The following GALNT17 variants were observed in gnomAD, a reference collection of about 807,000 sequenced individuals.
The protein encoded by GALNT17 is polypeptide N-acetylgalactosaminyltransferase 17, also known as UDP-GalNAc:polypeptide N-acetylgalactosaminyltransferase-like 3.
In GALNT17, 29 loss-of-function variants were observed where a neutral mutation model predicts 63.7. The observed-to-expected ratio is 0.46, with a 90% CI of 0.34 to 0.62. GALNT17 has a LOEUF of 0.62. Among genes scored for constraint, GALNT17 ranks in the 20% least tolerant of loss-of-function variants. GALNT17 has a pLI of 0.01. For missense variants in GALNT17, 603 were observed against 799.6 expected (o/e 0.75, Z 2.97); for synonymous variants, 305 against 318.3 (o/e 0.96, Z 0.45).
At chr7:71,307,377 G>A (rs569637723) in intron 1 of GALNT17, among the ~76,000 whole-genome samples, 2 of 151,902 alleles carry the variant, frequency 1.3e-5, no homozygotes, top group Non-Finnish European at 2.9e-5. Context: ...ACATTTTTGA[G>A]TATACGTTTT....
chr7:71,679,045 C>T (rs1791196101), intron 9 of GALNT17, among the ~76,000 whole-genome samples: 1 of 151,838 alleles, frequency 6.6e-6, no homozygotes, highest in South Asian at 2.1e-4. Context: ...GTGAAAAGTG[C>T]CTGTGGGGAG....
chr7:71,612,051 C>T (rs776821005), intron 6 of GALNT17, among the ~76,000 whole-genome samples: 9 of 152,266 alleles, frequency 5.9e-5, no homozygotes, highest in Middle Eastern at 3.4e-3. Context: ...AAATAGATGT[C>T]TTTGTTCTTT....
intron 5 of GALNT17, among the ~76,000 whole-genome samples, chr7:71,430,576 A>C (rs112475096): frequency 2.6e-5 from 4 of 152,318 alleles, no homozygotes; most frequent in African/African-American, 9.6e-5. Context: ...TCCTATAATT[A>C]GTGACATTGC....
chr7:71,684,398 G>T (rs185586603), intron 9 of GALNT17, among the ~76,000 whole-genome samples: 1 of 152,168 alleles, frequency 6.6e-6, no homozygotes, highest in Non-Finnish European at 1.5e-5. Flanking sequence ...AGCCCTGAAC[G>T]CCCCCGATGG....
intron 1 of GALNT17, among the ~76,000 whole-genome samples, chr7:71,302,851 G>C (rs1043167919): frequency 6.6e-6 from 1 of 152,080 alleles, no homozygotes; most frequent in African/African-American, 2.4e-5. Flanking sequence ...TGGATTAGGC[G>C]AGTCATATAT....
At chr7:71,552,282 C>T (rs780641069) in intron 5 of GALNT17, among the ~76,000 whole-genome samples, 12 of 151,692 alleles carry the variant, frequency 7.9e-5, no homozygotes, top group Non-Finnish European at 1.6e-4. Context: ...TGGCCTCAAA[C>T]AATCCACCCA....
At chr7:71,573,256 C>T (rs868838149) in intron 6 of GALNT17, among the ~76,000 whole-genome samples, 5 of 151,966 alleles carry the variant, frequency 3.3e-5, no homozygotes, top group Admixed American at 1.3e-4. Flanking sequence ...CTGATCTTCC[C>T]GCCTCGGCCT....
chr7:71,248,368 G>A (rs917992361), intron 1 of GALNT17, among the ~76,000 whole-genome samples: 8 of 152,144 alleles, frequency 5.3e-5, no homozygotes, highest in Non-Finnish European at 8.8e-5. Flanking sequence ...GAGCCAAACC[G>A]TATCAGTTGG....
chr7:71,549,509 G>C (rs2116826512), intron 5 of GALNT17, among the ~76,000 whole-genome samples: 1 of 152,276 alleles, frequency 6.6e-6, no homozygotes, highest in Non-Finnish European at 1.5e-5. Context: ...TAAGGAGTTT[G>C]ATGCTGCAGT....
At chr7:71,150,041 G>A (rs1354636441) in intron 1 of GALNT17, among the ~76,000 whole-genome samples, 1 of 152,210 alleles carries the variant, frequency 6.6e-6, no homozygotes, top group Non-Finnish European at 1.5e-5. Context: ...CACGCTTCTC[G>A]GAAGCTGATA....
At chr7:71,468,823 C>A (rs1278317439) in intron 5 of GALNT17, among the ~76,000 whole-genome samples, 1 of 152,108 alleles carries the variant, frequency 6.6e-6, no homozygotes, top group African/African-American at 2.4e-5. Flanking sequence ...ATTCCTTCTT[C>A]TTGTAGAGTA....
intron 1 of GALNT17, among the ~76,000 whole-genome samples, chr7:71,286,890 A>G (rs1790884416): frequency 6.6e-6 from 1 of 151,522 alleles, no homozygotes; most frequent in Non-Finnish European, 1.5e-5. Context: ...TCCTGGGCTC[A>G]AGCCATCCTC....
chr7:71,279,209 C>T (rs1790737434), intron 1 of GALNT17, among the ~76,000 whole-genome samples: 1 of 151,976 alleles, frequency 6.6e-6, no homozygotes, highest in Non-Finnish European at 1.5e-5. Context: ...CTGTATATTC[C>T]CCTCTCCTTA....
chr7:71,136,231 T>C (rs1213649114), intron 1 of GALNT17, among the ~76,000 whole-genome samples: 1 of 152,144 alleles, frequency 6.6e-6, no homozygotes, highest in East Asian at 1.9e-4. Context: ...ACGTGCTCTC[T>C]TGCTCTGCAG....
At position 71,158,219 on chromosome 7, in the gene GALNT17, A is replaced by G. The variant is rs138939018; in HGVS notation, c.238+25179A>G. 1.4e-4 allele frequency among the ~76,000 whole-genome samples: 21 copies of G among 151,410 alleles called. No homozygotes were observed. The East Asian group carries it at 3.9e-3, about 28-fold the overall frequency. On this transcript the variant is annotated intron_variant, in intron 1 of 10. Coordinates refer to ENST00000333538, the MANE Select transcript of GALNT17 (RefSeq NM_022479.3). ...CCGAGGGACCTCCATATGGTTCTCC[A>G]TAGTGGCTGGGCTCATTTCTCAATC...
chr7:71,271,884 C>T (rs901247719), intron 1 of GALNT17, among the ~76,000 whole-genome samples: 14 of 152,286 alleles, frequency 9.2e-5, no homozygotes, highest in Middle Eastern at 3.4e-3. Flanking sequence ...CTCAGCCTCC[C>T]GAGTAACTAG....
chr7:71,258,410 T>C (rs929663068), intron 1 of GALNT17, among the ~76,000 whole-genome samples: 1 of 152,208 alleles, frequency 6.6e-6, no homozygotes, highest in Admixed American at 6.5e-5. Context: ...GCAGTTTCTT[T>C]CGTGAAGCCT....
intron 9 of GALNT17, among the ~76,000 whole-genome samples, chr7:71,705,664 A>G (rs1393522035): frequency 6.6e-6 from 1 of 152,202 alleles, no homozygotes; most frequent in Non-Finnish European, 1.5e-5. Flanking sequence ...GGTCAAAATG[A>G]GGAGACCACA....
intron 1 of GALNT17, among the ~76,000 whole-genome samples, chr7:71,219,831 A>G (rs1789551403): frequency 6.6e-6 from 1 of 152,144 alleles, no homozygotes; most frequent in Non-Finnish European, 1.5e-5. Flanking sequence ...ATTTATGAGG[A>G]AGGCACTAAT....
Sources: allele counts gnomAD v4.1 joint callset (sites outside exome capture counted in the v4.1 genomes callset), GRCh38; gene constraint gnomAD v4.1.1; transcripts MANE v1.5; gene names NCBI Gene and HGNC (gene_info 2026-07-23, HGNC 2026-07-21).